KAZN: variants seen among roughly 807,000 people sequenced by gnomAD.
KAZN encodes kazrin, periplakin interacting protein, also known as kazrin.
Under a neutral mutation model 87.4 loss-of-function variants are expected in KAZN, and 40 were observed. That is an observed-to-expected ratio of 0.46 (90% confidence interval 0.36 to 0.60). The LOEUF is 0.60. Ranked by LOEUF, KAZN falls within the 20% of genes least tolerant of loss-of-function variation. The pLI, the probability that KAZN is intolerant of heterozygous loss-of-function variation, is 0.00. For missense variants in KAZN, 898 were observed against 1,073.9 expected (o/e 0.84, Z 2.29); for synonymous variants, 466 against 458.3 (o/e 1.02, Z -0.22).
intron 2 of KAZN, among the ~76,000 whole-genome samples, chr1:14,264,582 C>A (rs1335478204): frequency 6.6e-6 from 1 of 152,180 alleles, no homozygotes; most frequent in African/African-American, 2.4e-5. Flanking sequence ...CCCTCTCTTG[C>A]CCTTCTACCA....
intron 1 of KAZN, among the ~76,000 whole-genome samples, chr1:14,011,959 A>G (rs1640335028): frequency 6.6e-6 from 1 of 152,112 alleles, no homozygotes. Context: ...GGTGTTTGGA[A>G]ATGATTGGGG....
At chr1:13,905,527 G>C (rs1350626293) in intron 1 of KAZN, among the ~76,000 whole-genome samples, 1 of 152,038 alleles carries the variant, frequency 6.6e-6, no homozygotes, top group Non-Finnish European at 1.5e-5. Flanking sequence ...CCCCGTGCCT[G>C]TGTTCAGGAC....
intron 1 of KAZN, among the ~76,000 whole-genome samples, chr1:13,984,064 G>T (rs1638888437): frequency 6.6e-6 from 1 of 151,854 alleles, no homozygotes; most frequent in South Asian, 2.1e-4. Flanking sequence ...AGGCTGGAAT[G>T]CAGTGATGTG....
intron 1 of KAZN, among the ~76,000 whole-genome samples, chr1:14,066,231 T>C (rs1411065127): frequency 7.2e-5 from 11 of 152,236 alleles, no homozygotes. Flanking sequence ...TGTGGGCCCT[T>C]AGGTTGGTTC....
chr1:14,304,924 G>C (rs988952376), intron 2 of KAZN, among the ~76,000 whole-genome samples: 3 of 150,708 alleles, frequency 2.0e-5, no homozygotes, highest in African/African-American at 7.4e-5. Flanking sequence ...AAGCATGATT[G>C]CTCTGCAGCC....
intron 1 of KAZN, among the ~76,000 whole-genome samples, chr1:14,092,646 C>T (rs1393393365): frequency 2.0e-5 from 3 of 148,870 alleles, no homozygotes; most frequent in East Asian, 2.0e-4. Flanking sequence ...CACACACACA[C>T]GCACTGGTAC....
chr1:14,912,047 G>A (rs1256161532), intron 1 of KAZN, among the ~76,000 whole-genome samples: 1 of 151,236 alleles, frequency 6.6e-6, no homozygotes, highest in Non-Finnish European at 1.5e-5. Flanking sequence ...AGCTACTTGG[G>A]AGGCTGAGGC....
At chr1:14,833,699 G>C (rs542794731) in intron 1 of KAZN, among the ~76,000 whole-genome samples, 1 of 152,202 alleles carries the variant, frequency 6.6e-6, no homozygotes, top group Non-Finnish European at 1.5e-5. Flanking sequence ...GGTGCCCGGG[G>C]GAAAGCATGA....
At chr1:14,598,132 C>A (rs532999989), upstream of KAZN, among the ~76,000 whole-genome samples, 1 of 152,244 alleles carries the variant, frequency 6.6e-6, no homozygotes, top group Non-Finnish European at 1.5e-5. This position sits in a 1 kb window ranked among gnomAD's most constrained non-coding sequence, Gnocchi z 4.2. Flanking sequence ...ACCAGCGGCC[C>A]ACGCCGAGGA....
chr1:14,556,113 CTT>C (rs542038883), intron 2 of KAZN, among the ~76,000 whole-genome samples: 4 of 140,212 alleles, frequency 2.9e-5, no homozygotes, highest in Admixed American at 7.2e-5. Context: ...GTTCTTTTTA[CTT>C]TTTTTTTTTT....
chr1:14,845,392 G>A (rs1320792492), intron 1 of KAZN, among the ~76,000 whole-genome samples: 2 of 149,982 alleles, frequency 1.3e-5, no homozygotes, highest in African/African-American at 2.5e-5. Context: ...TGGATGGATG[G>A]TTGGATGGAT....
At chr1:14,536,276 T>C (rs980022634) in intron 2 of KAZN, among the ~76,000 whole-genome samples, 3 of 152,192 alleles carry the variant, frequency 2.0e-5, no homozygotes, top group Non-Finnish European at 4.4e-5. Context: ...CCCTACGTTT[T>C]TATGAGTGGG....
At chr1:14,809,256 G>A (rs1646328460) in intron 1 of KAZN, among the ~76,000 whole-genome samples, 1 of 152,170 alleles carries the variant, frequency 6.6e-6, no homozygotes, top group Non-Finnish European at 1.5e-5. Context: ...GCCGGGAAGC[G>A]GTCATCAGTG....
At chr1:14,191,335 G>T (rs758470958) in intron 2 of KAZN, among the ~76,000 whole-genome samples, 1 of 152,154 alleles carries the variant, frequency 6.6e-6, no homozygotes, top group Non-Finnish European at 1.5e-5. Flanking sequence ...TTAGCAAGTA[G>T]CAATTTCATT....
intron 1 of KAZN, among the ~76,000 whole-genome samples, chr1:14,130,137 CCTT>C (rs1455759907): frequency 1.3e-5 from 2 of 152,036 alleles, no homozygotes; most frequent in Non-Finnish European, 1.5e-5. Flanking sequence ...CTGATTAAAA[CCTT>C]CTTTCCTTGG....
chr1:14,950,694 G>A (rs980077719), intron 1 of KAZN, among the ~76,000 whole-genome samples: 10 of 152,230 alleles, frequency 6.6e-5, no homozygotes, highest in South Asian at 2.1e-4. Flanking sequence ...CTGCTGCGGC[G>A]GCCCTGGGCT....
chr1:14,453,262 G>A (rs1667382107), intron 2 of KAZN, among the ~76,000 whole-genome samples: 1 of 152,000 alleles, frequency 6.6e-6, no homozygotes, highest in Non-Finnish European at 1.5e-5. Context: ...GCCAAAATAG[G>A]CCTCTCTTTT....
intron 1 of KAZN, among the ~76,000 whole-genome samples, chr1:14,862,578 G>T (rs1650988904): frequency 6.6e-6 from 1 of 152,184 alleles, no homozygotes; most frequent in South Asian, 2.1e-4. Flanking sequence ...GCGAAAATCA[G>T]CAGGGAGTGA....
chr1:13,894,814 G>A (rs529368380), intron 1 of KAZN, among the ~76,000 whole-genome samples: 10 of 152,274 alleles, frequency 6.6e-5, no homozygotes, highest in Admixed American at 4.6e-4. Context: ...CCTGAGATTC[G>A]GTGAGCTCAG....
Sources: gnomAD v4.1 joint callset for allele counts (sites outside exome capture counted in the v4.1 genomes callset) on GRCh38, gnomAD v4.1.1 for gene constraint, Gnocchi (gnomAD v3.1) non-coding constraint, MANE v1.5 for transcripts, NCBI Gene and HGNC (gene_info 2026-07-23, HGNC 2026-07-21) for gene names.